TYRP1: variants seen among roughly 807,000 people sequenced by gnomAD.
The protein encoded by TYRP1 is tyrosinase related protein 1.
In TYRP1, 49 loss-of-function variants were observed where a neutral mutation model predicts 42.8. The ratio of observed to expected loss-of-function variants is 1.14; its 90% CI spans 0.91 to 1.45. The LOEUF (loss-of-function observed/expected upper bound fraction) is 1.45, where lower values mean the gene tolerates loss of function less well. TYRP1 is among the 40% of genes most tolerant of loss of function. TYRP1 has a pLI of 0.00. For synonymous variants in TYRP1, 279 were observed against 235.4 expected, an observed-to-expected ratio of 1.19 and a Z score of -1.69; for missense variants, 848 against 662.0, an observed-to-expected ratio of 1.28 and a Z score of -3.08.
Position 12,702,438 on chromosome 9 carries a change from G to A in TYRP1, c.1081G>A (p.Gly361Ser), listed in dbSNP as rs949437643. 4 of 1,612,258 alleles carry A rather than the reference G, an allele frequency of 2.5e-6. No individual in the cohort carries two copies. Among genetic ancestry groups the A allele is most frequent in the African/African-American group, 2.7e-5 (2 of 74,824 alleles). ...STNSFRNTVE[G>S]YSDPTGKYDP... ...AAACAGTTTCCGAAACACAGTGGAA[G>A]GCAAGTAAATGAAATCAGTATTTTT... The change falls in exon 5 of 8, where the codon GGT (glycine) becomes AGT (serine). Residue 361 changes from glycine to serine, a missense_variant and splice_region_variant. Gly to Ser is a moderately conservative substitution (Grantham distance 56, BLOSUM62 0). Transcript: ENST00000388918.
chr9:12,707,180 G>A (rs553932756), intron 6 of TYRP1, among the ~76,000 whole-genome samples: 17 of 152,084 alleles, frequency 1.1e-4, no homozygotes, highest in African/African-American at 3.6e-4. Context: ...GAAGTTCAGT[G>A]TATTTTCAGA....
At chr9:12,696,214 T>G (rs1030790686) in intron 3 of TYRP1, among the ~76,000 whole-genome samples, 2 of 152,206 alleles carry the variant, frequency 1.3e-5, no homozygotes, top group African/African-American at 4.8e-5. Context: ...GGTCAAGTGA[T>G]GTGGGTTAGA....
At chr9:12,693,786 T>G in intron 1 of TYRP1, 126 bp from the exon 2 acceptor site, 20 of 575,196 alleles carry the variant, frequency 3.5e-5, no homozygotes, top group Non-Finnish European at 3.9e-5. Flanking sequence ...ATGTCACACT[T>G]TTATTATTTG....
In TYRP1 at chr9:12,695,570, C is replaced by G; in HGVS notation, c.441C>G (p.Ala147=). 6.2e-7 allele frequency: 1 copy of G among 1,614,068 alleles called. No homozygotes were observed. Among genetic ancestry groups the G allele is most frequent in the Non-Finnish European group, 8.5e-7 (1 of 1,180,018 alleles). Reference sequence around the variant, plus strand: ...AAGAAAAGAACCACTTTGTCCGGGCCCTGGATATGGCAAAGCGCACAACTC... The same window carrying G: ...AAGAAAAGAACCACTTTGTCCGGGCGCTGGATATGGCAAAGCGCACAACTC... ...SKEEKNHFVR[A]LDMAKRTTHP... is the part of the protein sequence containing the mutation. The change falls in exon 3 of 8, where the codon GCC becomes GCG. Residue 147 remains alanine (A), a synonymous_variant. Transcript: ENST00000388918.
At chr9:12,697,693 G>A (rs963973967) in intron 3 of TYRP1, among the ~76,000 whole-genome samples, 9 of 152,078 alleles carry the variant, frequency 5.9e-5, no homozygotes, top group Admixed American at 4.6e-4. Context: ...TTAAAGAACC[G>A]AATGAAATAA....
At chr9:12,697,853 C>G (rs1275372339) in intron 3 of TYRP1, among the ~76,000 whole-genome samples, 1 of 152,120 alleles carries the variant, frequency 6.6e-6, no homozygotes, top group Non-Finnish European at 1.5e-5. Context: ...AAGCCTGAGT[C>G]TTAAAAGTTT....
At position 12,702,298 on chromosome 9, in the gene TYRP1, A is replaced by C; in HGVS notation, c.941A>C (p.Asn314Thr). The C allele has an allele frequency of 1.2e-6, 2 of 1,613,072 alleles. No individual in the cohort carries two copies. The highest frequency in any genetic ancestry group is 1.7e-6 in the Non-Finnish European group (2 of 1,179,410). Reference protein sequence around the residue: ...NSTEDGPIRRNPAGNVARPMV... With the variant: ...NSTEDGPIRRTPAGNVARPMV... ...ACCGAGGATGGGCCAATTAGGAGAAATCCAGCTGGAAATGTGGCCAGACCA... is the reference window on the plus strand; with the variant it reads ...ACCGAGGATGGGCCAATTAGGAGAACTCCAGCTGGAAATGTGGCCAGACCA... Residue 314 changes from asparagine to threonine, a missense_variant, in exon 5 of 8, where the codon AAT becomes ACT. Asn to Thr is a moderately conservative substitution (Grantham distance 65). Coordinates refer to ENST00000388918, the MANE Select transcript of TYRP1 (RefSeq NM_000550.3).
rs1818296324 is a variant in TYRP1, at chr9:12,708,405, A to G, written c.1408+262A>G. 2.6e-5 allele frequency among the ~76,000 whole-genome samples: 4 copies of G among 151,958 alleles called. No individual in the cohort carries two copies. In the South Asian group the frequency reaches 8.3e-4, roughly 31 times the overall value. ...GGGTGAGTATGAAAATCTTCATTTC[A>G]CAAATAAGGAAGCTGAGGCTTAAAT... On this transcript the variant is annotated intron_variant, in intron 7 of 7. Coordinates refer to ENST00000388918, the MANE Select transcript of TYRP1 (RefSeq NM_000550.3).
intron 5 of TYRP1, among the ~76,000 whole-genome samples, chr9:12,703,883 A>ATATATGTGTG (rs141978563): frequency 5.6e-5 from 8 of 143,432 alleles, no homozygotes; most frequent in South Asian, 2.2e-4. Context: ...ATATATATAT[A>ATATATGTGTG]TGTGTGTGTG....
chr9:12,702,096 G>A (rs1471871817), intron 4 of TYRP1, among the ~76,000 whole-genome samples, 175 bp from the exon 5 acceptor site: 1 of 151,874 alleles, frequency 6.6e-6, no homozygotes, highest in Non-Finnish European at 1.5e-5. Context: ...AAAGAAATGG[G>A]ACATGGTAAC....
intron 3 of TYRP1, among the ~76,000 whole-genome samples, chr9:12,696,400 T>A (rs1818079789): frequency 6.6e-6 from 1 of 152,216 alleles, no homozygotes; most frequent in Non-Finnish European, 1.5e-5. Flanking sequence ...AGAAGAAACC[T>A]ATTAAAATAT....
rs1424286657 is a variant in TYRP1, at chr9:12,702,308, A to G, written c.951A>G (p.Gly317=). 6.2e-7 allele frequency: 1 copy of G among 1,613,178 alleles called. No homozygotes were observed. Among genetic ancestry groups the G allele is most frequent in the Non-Finnish European group, 8.5e-7 (1 of 1,179,470 alleles). The change falls in exon 5 of 8, where the codon GGA becomes GGG. Residue 317 remains glycine, a synonymous_variant. Coordinates refer to ENST00000388918, the MANE Select transcript of TYRP1 (RefSeq NM_000550.3). ...GGCCAATTAGGAGAAATCCAGCTGG[A>G]AATGTGGCCAGACCAATGGTGCAAC... The part of the protein sequence containing the change: ...EDGPIRRNPA[G]NVARPMVQRL...
Position 12,694,358 on chromosome 9 carries a change from C to G in TYRP1, c.362C>G (p.Ala121Gly), listed in dbSNP as rs1324125893. 2 of 1,613,968 alleles carry G rather than the reference C, an allele frequency of 1.2e-6. No homozygotes were observed. The highest frequency in any genetic ancestry group is 1.7e-6 in the Non-Finnish European group (2 of 1,179,990). ...GTCRPGWRGA[A>G]CDQRVLIVRR... The stretch of plus-strand genomic sequence containing the variant: ...TGCCGTCCTGGCTGGAGAGGAGCTG[C>G]CTGTGACCAGAGGGTTCTCATAGGT... The change falls in exon 2 of 8, where the codon GCC becomes GGC. Residue 121 changes from alanine to glycine, a missense_variant. Physicochemically the swap from Ala to Gly is moderately conservative, Grantham distance 60. Coordinates refer to ENST00000388918, the MANE Select transcript of TYRP1 (RefSeq NM_000550.3).
Position 12,699,222 on chromosome 9 carries a change from C to T in TYRP1, c.913+567C>T, listed in dbSNP as rs566080722. On this transcript the variant is annotated intron_variant, in intron 4 of 7. Transcript: ENST00000388918. ...TTCCAAAGTGAACACAGTAAGAGTA[C>T]GCCTAATCAGTTGTCCCAGCATCCT... 2.0e-4 allele frequency among the ~76,000 whole-genome samples: 30 copies of T among 152,152 alleles called. 1 individual carries two copies. The highest frequency in any genetic ancestry group is 3.4e-4 in the African/African-American group (14 of 41,512).
chr9:12,694,971 T>C (rs1186969150), intron 2 of TYRP1, among the ~76,000 whole-genome samples: 5 of 152,182 alleles, frequency 3.3e-5, no homozygotes, highest in Non-Finnish European at 7.3e-5. Context: ...TAAATGAACA[T>C]GTATTGAGTC....
chr9:12,706,914 G>T (rs952252078), intron 6 of TYRP1, among the ~76,000 whole-genome samples: 1 of 151,848 alleles, frequency 6.6e-6, no homozygotes, highest in Non-Finnish European at 1.5e-5. Context: ...CAGAATAATA[G>T]AATTATTAGG....
In TYRP1 at chr9:12,696,371, C is replaced by T. The variant is rs185064459; in HGVS notation, c.708+534C>T. Among the ~76,000 whole-genome samples the T allele has an allele frequency of 1.2e-3, 178 of 152,154 alleles. 2 individuals carry two copies. Among genetic ancestry groups the T allele is most frequent in the African/African-American group, 4.0e-3 (164 of 41,504 alleles). ...CATTGAACTATATTTTTCCACGTTC[C>T]CTACCCTTTGAGTCTTACAGAAGAA... On this transcript the variant is annotated intron_variant, in intron 3 of 7. Transcript: ENST00000388918.
chr9:12,699,339 C>A (rs987039159), intron 4 of TYRP1, among the ~76,000 whole-genome samples: 1 of 151,974 alleles, frequency 6.6e-6, no homozygotes, highest in African/African-American at 2.4e-5. Context: ...CTCCTTGGAT[C>A]ATATTATTAT....
At position 12,695,868 on chromosome 9, in the gene TYRP1, C is replaced by T. The variant is rs374560367; in HGVS notation, c.708+31C>T. 1.9e-5 allele frequency: 30 copies of T among 1,602,030 alleles called. 1 individual carries two copies. The highest frequency in any genetic ancestry group is 3.3e-5 in the South Asian group (3 of 90,818). ...TAAGAAGCATTTCAGTTTGCAGACTCTTTACAGACAAGATGCCTTGTTTGT... is the reference window on the plus strand; with the variant it reads ...TAAGAAGCATTTCAGTTTGCAGACTTTTTACAGACAAGATGCCTTGTTTGT... On this transcript the variant is annotated intron_variant, in intron 3 of 7. Coordinates refer to ENST00000388918, the MANE Select transcript of TYRP1 (RefSeq NM_000550.3).
Sources: gnomAD v4.1 joint callset for allele counts (sites outside exome capture counted in the v4.1 genomes callset) on GRCh38, gnomAD v4.1.1 for gene constraint, MANE v1.5 for transcripts, NCBI Gene and HGNC (gene_info 2026-07-23, HGNC 2026-07-21) for gene names.